Variants in CYLD observed in about 807,000 individuals in gnomAD.
CYLD encodes CYLD lysine 63 deubiquitinase, also known as ubiquitin carboxyl-terminal hydrolase CYLD.
A neutral mutation model predicts 104.5 loss-of-function variants in CYLD; 26 were observed. The ratio of observed to expected loss-of-function variants is 0.25; its 90% CI spans 0.18 to 0.35. The LOEUF (loss-of-function observed/expected upper bound fraction) is 0.35, where lower values mean the gene tolerates loss of function less well. Ranked by LOEUF, CYLD falls within the 10% of genes least tolerant of loss-of-function variation. The pLI is 1.00. For missense variants in CYLD, 703 were observed against 1,136.1 expected, an observed-to-expected ratio of 0.62 and a Z score of 5.48; for synonymous variants, 385 against 399.9, an observed-to-expected ratio of 0.96 and a Z score of 0.45.
rs375827000 is a variant in CYLD at position 50,781,513 on chromosome 16, C to T, written c.1684+102C>T. 518 of 1,393,186 alleles carry T rather than the reference C, an allele frequency of 3.7e-4. 5 individuals are homozygous for T. The highest frequency in any genetic ancestry group is 3.6e-3 in the South Asian group (302 of 83,214). 86.3% of individuals were successfully genotyped at this position (1,393,186 alleles called of 1,614,324 possible). On this transcript the variant is annotated intron_variant, in intron 10 of 18. Transcript: ENST00000427738. ...ATGGTGACAGTGTTTTAATATATTT[C>T]TTGCCAACGCTCATTAAGCTTTAAA...
chr16:50,782,916 ATTTTTTTTT>A (rs386384680), intron 11 of CYLD, among the ~76,000 whole-genome samples: 12 of 87,714 alleles, frequency 1.4e-4, no homozygotes, highest in African/African-American at 3.8e-4. Flanking sequence ...ACAACTTAAG[ATTTTTTTTT>A]TTTTTTTTTT....
intron 5 of CYLD, among the ~76,000 whole-genome samples, chr16:50,763,259 T>A (rs1968151563): frequency 6.6e-6 from 1 of 152,240 alleles, no homozygotes; most frequent in African/African-American, 2.4e-5. Flanking sequence ...ACATGTTGTT[T>A]ATTAATCAGT....
intron 3 of CYLD, among the ~76,000 whole-genome samples, chr16:50,751,294 C>G (rs1446195882): frequency 3.3e-5 from 5 of 152,130 alleles, no homozygotes; most frequent in African/African-American, 1.2e-4. Context: ...AACATTACTG[C>G]TATTTTAAAG....
chr16:50,778,102 A>G lies in CYLD; in HGVS notation c.1138+161A>G, dbSNP rs1020143637. On this transcript the variant is annotated intron_variant, in intron 8 of 18. Transcript: ENST00000427738. ...AAATATTGTACACAGTTTGAACCGT[A>G]CTGCTGTTAAGATTATTAAAATGTT... The G allele has an allele frequency of 8.6e-6, 5 of 584,138 alleles. No individual in the cohort carries two copies. In the African/African-American group the frequency reaches 9.4e-5, roughly 11 times the overall value. The allele number at this position is 584,138 out of a possible 1,614,324, so 36.2% of individuals were successfully genotyped here. A position where few individuals can be genotyped will look rare whatever the true frequency, so the allele number is the denominator to read the frequency against.
In CYLD at chr16:50,769,052, T is replaced by C. The variant is rs117024406; in HGVS notation, c.914-6114T>C. On this transcript the variant is annotated intron_variant, in intron 5 of 18. Coordinates refer to ENST00000427738, the MANE Select transcript of CYLD (RefSeq NM_001378743.1). ...TCCATGTTGTCCTTTTTATTGTTGA[T>C]ATGGTTATATTAGTTTCTATATCCA... Among the ~76,000 whole-genome samples the C allele has an allele frequency of 3.8e-3, 581 of 152,342 alleles. 2 individuals carry two copies. The highest frequency in any genetic ancestry group is 6.8e-3 in the Non-Finnish European group (463 of 68,036).
At chr16:50,753,711 G>A (rs367870056) in intron 4 of CYLD, among the ~76,000 whole-genome samples, 2 of 152,310 alleles carry the variant, frequency 1.3e-5, no homozygotes, top group Non-Finnish European at 1.5e-5. Context: ...GTCTACTGAT[G>A]TAGTTCCCTG....
At chr16:50,765,313 T>C (rs1237917043) in intron 5 of CYLD, among the ~76,000 whole-genome samples, 2 of 152,196 alleles carry the variant, frequency 1.3e-5, no homozygotes, top group Non-Finnish European at 2.9e-5. Context: ...CTGTAATCAA[T>C]GATCTTTGAG....
intron 13 of CYLD, chr16:50,787,538 C>T (rs768950898): frequency 3.9e-4 from 163 of 418,106 alleles, no homozygotes; most frequent in Middle Eastern, 1.3e-3. Context: ...TCATTATGTG[C>T]AATGTGTTAC....
At chr16:50,755,073 A>G (rs1245244187) in intron 5 of CYLD, among the ~76,000 whole-genome samples, 2 of 120,908 alleles carry the variant, frequency 1.7e-5, no homozygotes, top group African/African-American at 7.7e-5. Context: ...ATAGATATGT[A>G]TACATATACA....
intron 10 of CYLD, 114 bp from the exon 11 acceptor site, chr16:50,782,211 A>C: frequency 1.2e-6 from 1 of 863,232 alleles, no homozygotes; most frequent in African/African-American, 1.7e-5. Flanking sequence ...TAAAGAAAAA[A>C]TTTTGCATCA....
chr16:50,793,582 T>A lies in CYLD; in HGVS notation c.2387T>A (p.Met796Lys). The change falls in exon 17 of 19, where the codon ATG (methionine) becomes AAG (lysine). Residue 796 changes from methionine (M) to lysine (K), a missense_variant. Physicochemically the swap from Met to Lys is moderately conservative, Grantham distance 95. Around this residue, in one of 5 missense-constraint regions of CYLD, gnomAD observed 130 missense variants for 220.2 expected, o/e 0.59. Transcript: ENST00000427738. The stretch of plus-strand genomic sequence containing the variant: ...TGCCGGATATGTGGAGGGCTTGCAA[T>A]GTATGAGTGTAGAGAATGCTACGAC... ...RQCRICGGLA[M>K]YECRECYDDP... 1 of 1,614,060 alleles carries A rather than the reference T, an allele frequency of 6.2e-7. No homozygotes were observed. Among genetic ancestry groups the A allele is most frequent in the Non-Finnish European group, 8.5e-7 (1 of 1,179,950 alleles).
intron 6 of CYLD, 85 bp from the exon 7 acceptor site, chr16:50,776,094 G>GT (rs1366572015): frequency 3.0e-6 from 3 of 998,126 alleles, no homozygotes; most frequent in Non-Finnish European, 4.7e-6. Flanking sequence ...TGGAAAGAGG[G>GT]TTTTTTTATT....
chr16:50,752,250 G>A (rs945211949), intron 4 of CYLD, among the ~76,000 whole-genome samples: 3 of 142,150 alleles, frequency 2.1e-5, no homozygotes, highest in African/African-American at 7.5e-5. Flanking sequence ...CCTTATTGTA[G>A]CTGACCAGTA....
intron 5 of CYLD, among the ~76,000 whole-genome samples, chr16:50,759,578 G>A (rs1203327942): frequency 6.6e-6 from 1 of 152,146 alleles, no homozygotes; most frequent in Non-Finnish European, 1.5e-5. Context: ...TACTTAAAAT[G>A]TATTTTGAGA....
Position 50,770,334 on chromosome 16 carries a change from C to G in CYLD, c.914-4832C>G, listed in dbSNP as rs532033445. Among the ~76,000 whole-genome samples, 11 of 152,222 alleles carry G rather than the reference C, an allele frequency of 7.2e-5. No individual in the cohort carries two copies. The South Asian group carries it at 2.3e-3, about 32-fold the overall frequency. ...GTCCCTATTTTTAATTTTAGCCATT[C>G]AGAGAGATTTGTAGTTGTATTTCAC... On this transcript the variant is annotated intron_variant, in intron 5 of 18. Transcript: ENST00000427738.
chr16:50,747,722 A>G (rs1467463480), intron 2 of CYLD, among the ~76,000 whole-genome samples: 1 of 152,214 alleles, frequency 6.6e-6, no homozygotes, highest in Non-Finnish European at 1.5e-5. Context: ...AGTGGCAAAT[A>G]TAAATTGATC....
intron 5 of CYLD, among the ~76,000 whole-genome samples, chr16:50,755,212 T>C (rs887173735): frequency 3.4e-5 from 5 of 145,918 alleles, no homozygotes; most frequent in Admixed American, 6.8e-5. Context: ...TGTGTGTATA[T>C]ACACACGTGT....
chr16:50,748,415 G>A (rs547566941), intron 2 of CYLD, among the ~76,000 whole-genome samples: 27 of 152,158 alleles, frequency 1.8e-4, no homozygotes, highest in Non-Finnish European at 3.7e-4. Context: ...AGGTGCAGTT[G>A]CTCATGCCTG....
intron 2 of CYLD, among the ~76,000 whole-genome samples, chr16:50,749,297 C>A (rs1300351837): frequency 6.6e-6 from 1 of 152,160 alleles, no homozygotes; most frequent in Non-Finnish European, 1.5e-5. Flanking sequence ...TTATAAATTT[C>A]AGTGTCTTGG....
Sources: gnomAD v4.1 joint callset for allele counts (sites outside exome capture counted in the v4.1 genomes callset) on GRCh38, gnomAD v4.1.1 for gene constraint, gnomAD v4.1.1 regional missense constraint, MANE v1.5 for transcripts, NCBI Gene and HGNC (gene_info 2026-07-23, HGNC 2026-07-21) for gene names.